Variants in CERT1 observed in about 807,000 individuals in gnomAD.
The protein encoded by CERT1 is ceramide transporter 1.
Under a neutral mutation model 87.9 loss-of-function variants are expected in CERT1, and 31 were observed. That is an observed-to-expected ratio of 0.35 (90% CI 0.27 to 0.48). The LOEUF is 0.48. Ranked by LOEUF, CERT1 falls within the 20% of genes least tolerant of loss-of-function variation. The pLI, the probability that CERT1 is intolerant of heterozygous loss-of-function variation, is 0.99. For missense variants in CERT1, 487 were observed against 758.0 expected, an observed-to-expected ratio of 0.64 and a Z score of 4.20; for synonymous variants, 289 against 250.9, an observed-to-expected ratio of 1.15 and a Z score of -1.44.
intron 2 of CERT1, among the ~76,000 whole-genome samples, chr5:75,481,984 G>C (rs1246528328): frequency 6.6e-6 from 1 of 152,060 alleles, no homozygotes; most frequent in Non-Finnish European, 1.5e-5. Flanking sequence ...AATGTTACCG[G>C]AATGTTACAG....
At chr5:75,440,787 C>T (rs913897750) in intron 3 of CERT1, among the ~76,000 whole-genome samples, 3 of 152,018 alleles carry the variant, frequency 2.0e-5, no homozygotes, top group African/African-American at 4.8e-5. Flanking sequence ...AAAAAAAATG[C>T]CCAAATATAA....
At chr5:75,384,793 G>A (rs1018471661) in intron 13 of CERT1, 81 bp from the exon 14 acceptor site, 18 of 881,908 alleles carry the variant, frequency 2.0e-5, no homozygotes, top group African/African-American at 3.3e-5. Flanking sequence ...AGTCAAGTAC[G>A]AATGGACAGT....
At chr5:75,385,607 GT>G (rs1761755201) in intron 13 of CERT1, among the ~76,000 whole-genome samples, 1 of 152,186 alleles carries the variant, frequency 6.6e-6, no homozygotes. Flanking sequence ...TATAGCTCTT[GT>G]TGCCTTTGAC....
chr5:75,385,896 G>A lies in CERT1; in HGVS notation c.1417+6C>T. The A allele has an allele frequency of 6.7e-7, 1 of 1,489,822 alleles. No individual in the cohort carries two copies. The allele number at this position is 1,489,822 out of a possible 1,614,324, so 92.3% of individuals were successfully genotyped here. ...AGATTAAAATATATTAATAATGACA[G>A]CTTACTTTCCCAGTCATTGCGAACG... On this transcript the variant is annotated splice_donor_region_variant and intron_variant, in intron 13 of 16. Coordinates refer to ENST00000643780, the MANE Select transcript of CERT1 (RefSeq NM_001379029.1).
intron 2 of CERT1, among the ~76,000 whole-genome samples, chr5:75,479,430 T>A (rs918644942): frequency 6.6e-6 from 1 of 152,132 alleles, no homozygotes; most frequent in African/African-American, 2.4e-5. Flanking sequence ...TTATCTATTC[T>A]GCTCCTCTTC....
Position 75,497,982 on chromosome 5 carries a change from A to G in CERT1, c.231+8000T>C, listed in dbSNP as rs139939043. On this transcript the variant is annotated intron_variant, in intron 2 of 16. Transcript: ENST00000643780. ...AATAGCTTTGACCAAAATGCTGATA[A>G]TGATATGGACAATGAAGTCCAGGGT... Among the ~76,000 whole-genome samples the G allele has an allele frequency of 2.1e-3, 315 of 152,290 alleles. 1 individual carries two copies. The East Asian group carries it at 0.027, about 13-fold the overall frequency.
chr5:75,447,827 G>A (rs898653195), intron 3 of CERT1, among the ~76,000 whole-genome samples: 13 of 151,752 alleles, frequency 8.6e-5, no homozygotes, highest in East Asian at 5.8e-4. Flanking sequence ...CCAGGCTAAC[G>A]TGCAATAATG....
At chr5:75,381,862 G>A (rs968098766) in intron 15 of CERT1, 87 bp downstream of exon 15, 2 of 1,195,540 alleles carry the variant, frequency 1.7e-6, no homozygotes, top group Non-Finnish European at 2.4e-6. Flanking sequence ...CAAGTATAGT[G>A]TATGGGCTGT....
chr5:75,375,058 G>C, downstream of CERT1: 1 of 187,584 alleles, frequency 5.3e-6, no homozygotes, highest in Non-Finnish European at 1.1e-5. Flanking sequence ...TAAAATAAAG[G>C]GGGCACAGGC....
chr5:75,411,762 T>G (rs1403205114), intron 7 of CERT1, among the ~76,000 whole-genome samples: 1 of 152,186 alleles, frequency 6.6e-6, no homozygotes, highest in African/African-American at 2.4e-5. Flanking sequence ...TACATTCTTA[T>G]ACTTCCCCTT....
intron 2 of CERT1, among the ~76,000 whole-genome samples, chr5:75,503,428 C>A (rs1767477887): frequency 6.6e-6 from 1 of 151,908 alleles, no homozygotes; most frequent in Non-Finnish European, 1.5e-5. Context: ...AGGAATATTA[C>A]TATTACATTT....
At chr5:75,411,241 G>C in intron 7 of CERT1, 138 bp from the exon 8 acceptor site, 2 of 592,066 alleles carry the variant, frequency 3.4e-6, no homozygotes, top group Non-Finnish European at 5.9e-6. Context: ...TGAAAAATAA[G>C]AGTATTATTC....
At chr5:75,401,139 C>G (rs571579460) in intron 9 of CERT1, 1 of 152,284 alleles carries the variant, frequency 6.6e-6, no homozygotes, top group Non-Finnish European at 1.5e-5. Context: ...GTATCTCTGT[C>G]ATATCAACAT....
At chr5:75,451,074 T>C (rs1235987223) in intron 3 of CERT1, among the ~76,000 whole-genome samples, 1 of 152,248 alleles carries the variant, frequency 6.6e-6, no homozygotes, top group Non-Finnish European at 1.5e-5. Flanking sequence ...ATTGTTTTTA[T>C]TCCAGAAGAC....
chr5:75,503,709 C>G (rs1445607555), intron 2 of CERT1, among the ~76,000 whole-genome samples: 1 of 151,666 alleles, frequency 6.6e-6, no homozygotes, highest in Non-Finnish European at 1.5e-5. Flanking sequence ...TTTCTTGTTC[C>G]TACGCATGTC....
At chr5:75,398,825 AAC>A (rs879633370) in intron 11 of CERT1, among the ~76,000 whole-genome samples, 42 of 152,358 alleles carry the variant, frequency 2.8e-4, no homozygotes, top group Admixed American at 2.6e-3. Flanking sequence ...GCATAAGGAA[AAC>A]ACAATCTGCT....
chr5:75,457,929 G>A (rs112829131), intron 3 of CERT1, among the ~76,000 whole-genome samples: 4 of 145,778 alleles, frequency 2.7e-5, no homozygotes, highest in African/African-American at 7.6e-5. Flanking sequence ...TGTGTGTGGT[G>A]TGTGTGTGTG....
At chr5:75,477,251 T>A (rs1366527383) in intron 2 of CERT1, among the ~76,000 whole-genome samples, 1 of 152,206 alleles carries the variant, frequency 6.6e-6, no homozygotes, top group African/African-American at 2.4e-5. Context: ...TGTCTTGGCC[T>A]CATTTTGATA....
At chr5:75,391,143 G>C (rs1762015670) in intron 11 of CERT1, among the ~76,000 whole-genome samples, 1 of 152,118 alleles carries the variant, frequency 6.6e-6, no homozygotes, top group African/African-American at 2.4e-5. Context: ...TTTTTGTAGA[G>C]ACAGGGTCTC....
Sources: allele counts gnomAD v4.1 joint callset (sites outside exome capture counted in the v4.1 genomes callset), GRCh38; gene constraint gnomAD v4.1.1; transcripts MANE v1.5; gene names NCBI Gene and HGNC (gene_info 2026-07-23, HGNC 2026-07-21).